MDGA2: variants seen among roughly 807,000 people sequenced by gnomAD.
The protein encoded by MDGA2 is MAM domain-containing glycosylphosphatidylinositol anchor protein 2.
MDGA2 carries 40 observed loss-of-function variants against 117.8 expected under a neutral mutation model. The observed-to-expected ratio is 0.34, with a 90% CI of 0.26 to 0.44. The LOEUF (loss-of-function observed/expected upper bound fraction) is 0.44, where lower values mean the gene tolerates loss of function less well. Ranked by LOEUF, MDGA2 falls within the 20% of genes least tolerant of loss-of-function variation. MDGA2 has a pLI of 1.00. For synonymous variants in MDGA2, 452 were observed against 439.0 expected, an observed-to-expected ratio of 1.03 and a Z score of -0.37; for missense variants, 1,123 against 1,250.6, an observed-to-expected ratio of 0.90 and a Z score of 1.54.
At chr14:47,408,299 C>G (rs1892302531) in intron 1 of MDGA2, among the ~76,000 whole-genome samples, 1 of 152,134 alleles carries the variant, frequency 6.6e-6, no homozygotes, top group Non-Finnish European at 1.5e-5. Context: ...TGTGATCCAC[C>G]TGCCTCAGCC....
chr14:47,653,413 T>TA (rs1174683469), intron 1 of MDGA2, among the ~76,000 whole-genome samples: 5 of 152,070 alleles, frequency 3.3e-5, no homozygotes. Flanking sequence ...CGCTGGTGCT[T>TA]AAAGAGTTGG....
chr14:46,993,099 A>AT (rs1244225692), intron 8 of MDGA2, among the ~76,000 whole-genome samples: 2 of 152,178 alleles, frequency 1.3e-5, no homozygotes, highest in African/African-American at 4.8e-5. Context: ...ACACTAGGAA[A>AT]GTAACCTCTG....
intron 1 of MDGA2, among the ~76,000 whole-genome samples, chr14:47,507,414 A>C (rs937809245): frequency 1.3e-5 from 2 of 152,224 alleles, no homozygotes; most frequent in African/African-American, 4.8e-5. Context: ...ATCCATTTGC[A>C]TAAAAATAAA....
rs888892555 is a variant in MDGA2 at position 46,855,984 on chromosome 14, A to G, written c.2753-830T>C. Among the ~76,000 whole-genome samples, 1 of 152,114 alleles carries G rather than the reference A, an allele frequency of 6.6e-6. No individual in the cohort carries two copies. The highest frequency in any genetic ancestry group is 2.4e-5 in the African/African-American group (1 of 41,432). ...CTTTCAATAGTTTAATGTGCTGTAC[A>G]CAGTAATGATATTAATGATGATAAT... On this transcript the variant is annotated intron_variant, in intron 14 of 16. Transcript: ENST00000399232. The surrounding 1 kb of genome is among the most constrained non-coding windows in gnomAD (Gnocchi z 4.1).
intron 1 of MDGA2, among the ~76,000 whole-genome samples, chr14:47,343,886 C>G (rs531087803): frequency 6.6e-6 from 1 of 152,148 alleles, no homozygotes; most frequent in Admixed American, 6.6e-5. Flanking sequence ...CCATATGTCC[C>G]TGAAAACCAA....
At chr14:47,129,692 G>A (rs1467264970) in intron 5 of MDGA2, among the ~76,000 whole-genome samples, 1,786 of 147,838 alleles carry the variant, frequency 0.012, 22 homozygotes, top group African/African-American at 0.041. Flanking sequence ...GGTTGAACTA[G>A]TTTACAGTCC....
At chr14:47,568,773 AT>A (rs999671918) in intron 1 of MDGA2, among the ~76,000 whole-genome samples, 3 of 152,076 alleles carry the variant, frequency 2.0e-5, no homozygotes, top group African/African-American at 7.2e-5. Flanking sequence ...TTAATGCAGA[AT>A]TTTTTTCATG....
chr14:47,449,652 CTAG>C (rs1893198695), intron 1 of MDGA2, among the ~76,000 whole-genome samples: 1 of 152,002 alleles, frequency 6.6e-6, no homozygotes, highest in African/African-American at 2.4e-5. Flanking sequence ...TTGTAACTAA[CTAG>C]ATAGCCAAAA....
intron 3 of MDGA2, among the ~76,000 whole-genome samples, chr14:47,169,567 T>C (rs1884035208): frequency 6.6e-6 from 1 of 151,898 alleles, no homozygotes; most frequent in Non-Finnish European, 1.5e-5. Flanking sequence ...CCAAAAATTG[T>C]CAACATGGAA....
intron 1 of MDGA2, among the ~76,000 whole-genome samples, chr14:47,503,014 A>G (rs1566488165): frequency 6.6e-6 from 1 of 152,158 alleles, no homozygotes; most frequent in Non-Finnish European, 1.5e-5. Flanking sequence ...TGTTATTAAA[A>G]TCATCCTGCT....
chr14:47,269,575 C>G (rs1888078453), intron 2 of MDGA2, among the ~76,000 whole-genome samples: 1 of 152,024 alleles, frequency 6.6e-6, no homozygotes, highest in Non-Finnish European at 1.5e-5. Context: ...GAAAAAAATT[C>G]AAGTAATTGC....
rs1017105867 is a variant in MDGA2, at chr14:47,146,917, G to C, written c.596-2643C>G. Among the ~76,000 whole-genome samples, 20 of 152,254 alleles carry C rather than the reference G, an allele frequency of 1.3e-4. 1 individual carries two copies. Among genetic ancestry groups the C allele is most frequent in the African/African-American group, 4.1e-4 (17 of 41,560 alleles). On this transcript the variant is annotated intron_variant, in intron 3 of 16. Transcript: ENST00000399232. The stretch of plus-strand genomic sequence containing the variant: ...TTCTTCCCTGGTCTGGATGACTTTT[G>C]GGTCATTGGTTTTCAAGATTCTAAT...
chr14:46,929,098 GC>G (rs778176553), intron 9 of MDGA2, among the ~76,000 whole-genome samples: 5 of 152,096 alleles, frequency 3.3e-5, no homozygotes, highest in Non-Finnish European at 7.4e-5. Flanking sequence ...GTTACAGTTT[GC>G]AGTGTATTGT....
intron 1 of MDGA2, among the ~76,000 whole-genome samples, chr14:47,525,645 A>G (rs551168278): frequency 3.9e-5 from 6 of 152,238 alleles, no homozygotes; most frequent in African/African-American, 1.4e-4. Context: ...AGACTGCACC[A>G]CTGCATTTCA....
intron 1 of MDGA2, among the ~76,000 whole-genome samples, chr14:47,393,988 T>C (rs554150748): frequency 2.3e-3 from 357 of 152,186 alleles, no homozygotes; most frequent in Non-Finnish European, 2.5e-3. Context: ...AGAAGGACAA[T>C]TAAGTTTGTT....
chr14:47,211,206 G>A (rs891180069), intron 3 of MDGA2, among the ~76,000 whole-genome samples: 5 of 151,754 alleles, frequency 3.3e-5, no homozygotes, highest in Non-Finnish European at 7.4e-5. Flanking sequence ...CCCTTATTTC[G>A]TGCCTTTAAT....
At chr14:46,994,227 C>T (rs1172007131) in intron 8 of MDGA2, among the ~76,000 whole-genome samples, 1 of 152,142 alleles carries the variant, frequency 6.6e-6, no homozygotes, top group Admixed American at 6.6e-5. Flanking sequence ...GGAAGCCTCA[C>T]ACTCGGAACC....
At chr14:47,109,722 T>G (rs1461299518) in intron 5 of MDGA2, among the ~76,000 whole-genome samples, 2 of 151,992 alleles carry the variant, frequency 1.3e-5, no homozygotes, top group African/African-American at 2.4e-5. Context: ...AAGGCAGGAG[T>G]AACACTTGAG....
At chr14:47,049,974 C>A (rs193270682) in intron 7 of MDGA2, among the ~76,000 whole-genome samples, 34 of 152,110 alleles carry the variant, frequency 2.2e-4, no homozygotes, top group Admixed American at 2.0e-3. Context: ...TTTCACCCAA[C>A]AGGACTTGCC....
Sources: gnomAD v4.1 joint callset for allele counts (sites outside exome capture counted in the v4.1 genomes callset) on GRCh38, gnomAD v4.1.1 for gene constraint, Gnocchi (gnomAD v3.1) non-coding constraint, MANE v1.5 for transcripts, NCBI Gene and HGNC (gene_info 2026-07-23, HGNC 2026-07-21) for gene names.